The following SERF2 variants were observed in gnomAD, a reference collection of about 807,000 sequenced individuals.
The protein encoded by SERF2 is gastric cancer-related protein VRG107.
A neutral mutation model predicts 10.7 loss-of-function variants in SERF2; 4 were observed. The observed-to-expected ratio is 0.37, with a 90% CI of 0.18 to 0.86. The LOEUF is 0.86. SERF2 is among the 40% of genes least tolerant of loss of function. SERF2 has a pLI of 0.43. For missense variants in SERF2, 47 were observed against 79.1 expected (o/e 0.59, Z 1.54); for synonymous variants, 26 against 26.0 (o/e 1.00, Z 0.01).
At chr15:43,780,458 A>G (rs1218102676) in intron 1 of SERF2, among the ~76,000 whole-genome samples, 1 of 152,104 alleles carries the variant, frequency 6.6e-6, no homozygotes, top group Non-Finnish European at 1.5e-5. Context: ...ACTGTTTTTA[A>G]GTGTATGGTT....
In SERF2 at chr15:43,795,493, G is replaced by GCCTC. The variant is rs2087190006; in HGVS notation, c.*1721_*1722insCTCC. 6.2e-7 allele frequency: 1 copy of GCCTC among 1,614,100 alleles called. No homozygotes were observed. The highest frequency in any genetic ancestry group is 1.7e-5 in the Admixed American group (1 of 60,008). On this transcript the variant is annotated 3_prime_UTR_variant, in exon 3 of 3. Coordinates refer to ENST00000249786, the MANE Select transcript of SERF2 (RefSeq NM_001018108.4). Reference sequence around the variant, plus strand: ...AAGATGCTGGACTTGGACTGGAGGAGCTGGAGGGGTTTCTTGGTCAGCTGG... The same window carrying GCCTC: ...AAGATGCTGGACTTGGACTGGAGGAGCCTCCTGGAGGGGTTTCTTGGTCAGCTGG...
intron 1 of SERF2, among the ~76,000 whole-genome samples, chr15:43,783,654 C>T (rs1353012838): frequency 6.6e-6 from 1 of 151,806 alleles, no homozygotes; most frequent in East Asian, 1.9e-4. Flanking sequence ...GGCTGGAGTG[C>T]AGTGACACAA....
At position 43,795,665 on chromosome 15, in the gene SERF2, A is replaced by T; in HGVS notation, c.*1892A>T. 6.2e-7 allele frequency: 1 copy of T among 1,613,388 alleles called. No homozygotes were observed. The highest frequency in any genetic ancestry group is 1.1e-5 in the South Asian group (1 of 91,042). On this transcript the variant is annotated 3_prime_UTR_variant, in exon 3 of 3. Transcript: ENST00000249786. ...ACTCCACAGAGATCTACCACTTCTT[A>T]TGGTTCCTCACTTGGCACTCACCTT...
exon 1 of SERF2, chr15:43,777,179 T>C (rs1320640101): frequency 9.6e-6 from 6 of 623,488 alleles, no homozygotes; most frequent in Non-Finnish European, 1.8e-5. Context: ...TATCCCCAGT[T>C]CTCGGGAGAA....
At chr15:43,784,486 G>T (rs541054926) in intron 1 of SERF2, among the ~76,000 whole-genome samples, 1 of 152,078 alleles carries the variant, frequency 6.6e-6, no homozygotes, top group East Asian at 1.9e-4. Flanking sequence ...TTGTTTGTTT[G>T]GAGATGGTGT....
chr15:43,792,294 A>T (rs530789291), upstream of SERF2: 10 of 1,201,040 alleles, frequency 8.3e-6, no homozygotes, highest in African/African-American at 7.5e-5. Context: ...CGACTGTGCT[A>T]CGTTGCCAGA....
chr15:43,792,406 C>G, intron 1 of SERF2, 23 bp downstream of exon 1: 1 of 1,613,986 alleles, frequency 6.2e-7, no homozygotes, highest in Non-Finnish European at 8.5e-7. Flanking sequence ...CCCCCTTCTC[C>G]TTGCCCTTTT....
intron 1 of SERF2, among the ~76,000 whole-genome samples, chr15:43,782,141 G>A (rs113376352): frequency 0.012 from 1,850 of 152,116 alleles, 34 homozygotes; most frequent in African/African-American, 0.042. Context: ...CGCCCGCCTT[G>A]GCCTCCCATA....
chr15:43,792,654 CA>C, intron 1 of SERF2: 6 of 1,371,780 alleles, frequency 4.4e-6, no homozygotes, highest in Non-Finnish European at 5.7e-6. Flanking sequence ...CCAGAGCCCC[CA>C]CTCCACAAGC....
intron 1 of SERF2, among the ~76,000 whole-genome samples, chr15:43,780,072 TTA>T (rs1382002060): frequency 6.6e-6 from 1 of 152,238 alleles, no homozygotes; most frequent in Non-Finnish European, 1.5e-5. Flanking sequence ...ATTTTGATAA[TTA>T]TATGTGAATA....
chr15:43,779,850 A>G (rs1487816423), intron 1 of SERF2, among the ~76,000 whole-genome samples: 1 of 152,196 alleles, frequency 6.6e-6, no homozygotes, highest in Non-Finnish European at 1.5e-5. Flanking sequence ...TCCTTTAATT[A>G]TGAATGTAGG....
At position 43,793,076 on chromosome 15, in the gene SERF2, A is replaced by G; in HGVS notation, c.109A>G (p.Lys37Glu). The G allele has an allele frequency of 6.2e-7, 1 of 1,606,404 alleles. No homozygotes were observed. Among genetic ancestry groups the G allele is most frequent in the Non-Finnish European group, 8.5e-7 (1 of 1,173,352 alleles). Reference protein sequence around the residue: ...RDDGLSAAARKQRDSEIMQQK... With the variant: ...RDDGLSAAAREQRDSEIMQQK... The stretch of plus-strand genomic sequence containing the variant: ...TGACGGGCTTTCTGCTGCCGCCCGC[A>G]AGCAGAGGTAGCCCCAGGGAGGGGA... The change falls in exon 2 of 3, where the codon AAG (lysine) becomes GAG (glutamate). Residue 37 changes from lysine (K) to glutamate (E), a missense_variant. Lys to Glu is a moderately conservative substitution (Grantham distance 56, BLOSUM62 1). Transcript: ENST00000249786.
chr15:43,783,008 CTTT>C (rs61152230), intron 1 of SERF2, among the ~76,000 whole-genome samples: 10 of 99,824 alleles, frequency 1.0e-4, no homozygotes, highest in African/African-American at 4.4e-4. Flanking sequence ...CCACACCTGG[CTTT>C]TTTTTTTTTT....
chr15:43,794,869 A>G lies in SERF2; in HGVS notation c.*1096A>G, dbSNP rs537519374. 36 of 706,084 alleles carry G rather than the reference A, an allele frequency of 5.1e-5. No homozygotes were observed. The East Asian group carries it at 7.9e-4, about 16-fold the overall frequency. 43.7% of individuals were successfully genotyped at this position (706,084 alleles called of 1,614,324 possible). Reference sequence around the variant, plus strand: ...TGTGTTTGACCACTTCTTCCAGTTCATAGTATTGACTTCAGCCCAAACGGA... The same window carrying G: ...TGTGTTTGACCACTTCTTCCAGTTCGTAGTATTGACTTCAGCCCAAACGGA... On this transcript the variant is annotated 3_prime_UTR_variant, in exon 3 of 3. Transcript: ENST00000249786.
chr15:43,795,205 C>T lies in SERF2; in HGVS notation c.*1432C>T, dbSNP rs747101117. On this transcript the variant is annotated 3_prime_UTR_variant, in exon 3 of 3. Coordinates refer to ENST00000249786, the MANE Select transcript of SERF2 (RefSeq NM_001018108.4). ...GATGAAGGTCTTTTCCAGTTCTGCT[C>T]CCTCATAGCTGTGTAACCAAAGGCT... 1.9e-6 allele frequency: 3 copies of T among 1,613,922 alleles called. No homozygotes were observed. Among genetic ancestry groups the T allele is most frequent in the East Asian group, 4.5e-5 (2 of 44,896 alleles).
chr15:43,777,134 G>C (rs1174267835), exon 1 of SERF2: 1 of 714,592 alleles, frequency 1.4e-6, no homozygotes, highest in Admixed American at 2.0e-5. Flanking sequence ...TTTCTTCTAG[G>C]ATCCGCATGA....
Position 43,796,033 on chromosome 15 carries a change from G to T in SERF2, c.*2260G>T, listed in dbSNP as rs931237543. Reference sequence around the variant, plus strand: ...AGCACAGTTGCCTAGCACATTGTGGGTACTCAATAAAAGGTAACAGCAGCT... The same window carrying T: ...AGCACAGTTGCCTAGCACATTGTGGTTACTCAATAAAAGGTAACAGCAGCT... On this transcript the variant is annotated 3_prime_UTR_variant, in exon 3 of 3. Transcript: ENST00000249786. 5 of 761,736 alleles carry T rather than the reference G, an allele frequency of 6.6e-6. No individual in the cohort carries two copies. Among genetic ancestry groups the T allele is most frequent in the African/African-American group, 5.2e-5 (3 of 57,630 alleles). 47.2% of individuals were successfully genotyped at this position (761,736 alleles called of 1,614,324 possible).
chr15:43,784,137 G>A (rs1015682064), intron 1 of SERF2, among the ~76,000 whole-genome samples: 3 of 151,678 alleles, frequency 2.0e-5, no homozygotes, highest in African/African-American at 7.3e-5. Context: ...ACCCAAGCTG[G>A]TCTCAAAGTC....
intron 2 of SERF2, among the ~76,000 whole-genome samples, chr15:43,786,939 G>C (rs1382167501): frequency 6.6e-6 from 1 of 151,756 alleles, no homozygotes; most frequent in Non-Finnish European, 1.5e-5. Context: ...GCTCACTCCT[G>C]AACCAATAAC....
Sources: gnomAD v4.1 joint callset for allele counts (sites outside exome capture counted in the v4.1 genomes callset) on GRCh38, gnomAD v4.1.1 for gene constraint, MANE v1.5 for transcripts, NCBI Gene and HGNC (gene_info 2026-07-23, HGNC 2026-07-21) for gene names.